The following TENT4B variants were observed in gnomAD, a reference collection of about 807,000 sequenced individuals.
The protein encoded by TENT4B is terminal nucleotidyltransferase 4B.
Under a neutral mutation model 75.0 loss-of-function variants are expected in TENT4B, and 10 were observed. The ratio of observed to expected loss-of-function variants is 0.13; its 90% CI spans 0.08 to 0.23. The LOEUF is 0.23. Ranked by LOEUF, TENT4B falls within the 10% of genes least tolerant of loss-of-function variation. TENT4B has a pLI of 1.00. For synonymous variants in TENT4B, 350 were observed against 357.7 expected (o/e 0.98, Z 0.24); for missense variants, 579 against 893.8 (o/e 0.65, Z 4.49).
At position 50,229,352 on chromosome 16, in the gene TENT4B, T is replaced by C. The variant is rs1203962369; in HGVS notation, c.*24T>C. On this transcript the variant is annotated 3_prime_UTR_variant, in exon 12 of 12. Transcript: ENST00000561678. ...AGTCAGCGCTGCGCGGTGGACTGTC[T>C]TCTCTGTGCAATGATCTCATGCTCA... 1.0e-5 allele frequency: 16 copies of C among 1,591,834 alleles called. No individual in the cohort carries two copies. The highest frequency in any genetic ancestry group is 1.4e-5 in the African/African-American group (1 of 73,798).
chr16:50,233,501 T>A lies in TENT4B; in HGVS notation c.*4173T>A, dbSNP rs372691392. The A allele has an allele frequency of 2.0e-5, 20 of 980,428 alleles. No homozygotes were observed. The East Asian group carries it at 9.1e-4, about 44-fold the overall frequency. The allele number at this position is 980,428 out of a possible 1,614,324, so 60.7% of individuals were successfully genotyped here. On this transcript the variant is annotated 3_prime_UTR_variant, in exon 12 of 12. Coordinates refer to ENST00000561678, the MANE Select transcript of TENT4B (RefSeq NM_001365324.3). ...TTGACTTCACACCCTTAGCGACTTTTCTTTTTTTTTTGGTCAAAGATAATG... is the reference window on the plus strand; with the variant it reads ...TTGACTTCACACCCTTAGCGACTTTACTTTTTTTTTTGGTCAAAGATAATG...
intron 1 of TENT4B, among the ~76,000 whole-genome samples, chr16:50,168,555 C>T (rs1405913396): frequency 2.0e-5 from 3 of 150,654 alleles, no homozygotes; most frequent in African/African-American, 4.9e-5. Context: ...CTCAGTTGAT[C>T]CACCCACCTT....
intron 3 of TENT4B, among the ~76,000 whole-genome samples, chr16:50,215,119 C>G (rs1200960770): frequency 6.6e-6 from 1 of 152,192 alleles, no homozygotes; most frequent in African/African-American, 2.4e-5. Context: ...GACGCACAGC[C>G]TTGGAGGCTC....
chr16:50,200,365 T>TA (rs565167649), intron 1 of TENT4B, among the ~76,000 whole-genome samples: 5,252 of 131,424 alleles, frequency 0.04, 116 homozygotes, highest in Middle Eastern at 0.05. Flanking sequence ...GACCCTGACT[T>TA]AAAAAAAAAA....
chr16:50,229,132 G>A lies in TENT4B; in HGVS notation c.1966-20G>A. 1 of 1,610,546 alleles carries A rather than the reference G, an allele frequency of 6.2e-7. No homozygotes were observed. Among genetic ancestry groups the A allele is most frequent in the Non-Finnish European group, 8.5e-7 (1 of 1,178,944 alleles). The stretch of plus-strand genomic sequence containing the variant: ...TTTCTGCAATACTGATGTCTTTGTG[G>A]TCGTTTTCTGTTTCTGCAGCATGGA... On this transcript the variant is annotated intron_variant, in intron 11 of 11. Coordinates refer to ENST00000561678, the MANE Select transcript of TENT4B (RefSeq NM_001365324.3).
At position 50,216,166 on chromosome 16, in the gene TENT4B, G is replaced by A. The variant is rs766558425; in HGVS notation, c.901G>A (p.Asp301Asn). Residue 301 changes from aspartate to asparagine, a missense_variant, in exon 4 of 12, where the codon GAT becomes AAT. Asp to Asn is a conservative substitution (Grantham distance 23). Coordinates refer to ENST00000561678, the MANE Select transcript of TENT4B (RefSeq NM_001365324.3). ...ALRKHKVADE[D>N]SVKVLDKATV... ...TCGGAAACACAAAGTCGCAGATGAG[G>A]ATTCGGTGAAAGTTTTAGACAAAGC... The A allele has an allele frequency of 3.1e-6, 5 of 1,613,868 alleles. No individual in the cohort carries two copies. Among genetic ancestry groups the A allele is most frequent in the Non-Finnish European group, 2.5e-6 (3 of 1,179,872 alleles).
At chr16:50,195,518 A>G (rs1596703680) in intron 1 of TENT4B, among the ~76,000 whole-genome samples, 1 of 152,196 alleles carries the variant, frequency 6.6e-6, no homozygotes, top group Non-Finnish European at 1.5e-5. Flanking sequence ...TTAGACCCCA[A>G]GCTACTTGGA....
At chr16:50,159,885 G>GT (rs1004076623) in intron 1 of TENT4B, among the ~76,000 whole-genome samples, 85 of 151,750 alleles carry the variant, frequency 5.6e-4, no homozygotes, top group African/African-American at 1.7e-3. Flanking sequence ...AACTTTCTTT[G>GT]TTTTTTTTGT....
chr16:50,178,387 T>C (rs2038349646), intron 1 of TENT4B, among the ~76,000 whole-genome samples: 1 of 151,906 alleles, frequency 6.6e-6, no homozygotes, highest in Non-Finnish European at 1.5e-5. Context: ...TGAGGCTACA[T>C]GAGCCATGAT....
chr16:50,155,211 T>A (rs959407602), intron 1 of TENT4B, among the ~76,000 whole-genome samples: 2 of 151,956 alleles, frequency 1.3e-5, no homozygotes, highest in African/African-American at 2.4e-5. Flanking sequence ...GAAGAGTCCC[T>A]GTGCTGGAAT....
intron 1 of TENT4B, among the ~76,000 whole-genome samples, chr16:50,210,755 ACT>A (rs2031235745): frequency 6.6e-6 from 1 of 151,516 alleles, no homozygotes; most frequent in African/African-American, 2.4e-5. Context: ...TGCTTCTCCC[ACT>A]CTGCCTGCCA....
In TENT4B at chr16:50,176,770, G is replaced by A. The variant is rs148764691; in HGVS notation, c.638+22511G>A. Reference sequence around the variant, plus strand: ...GATCCACCCGCCTTGGCCTCCCAAAGTGTTGGGATTACAGGAGTGAGCCAC... The same window carrying A: ...GATCCACCCGCCTTGGCCTCCCAAAATGTTGGGATTACAGGAGTGAGCCAC... On this transcript the variant is annotated intron_variant, in intron 1 of 11. Coordinates refer to ENST00000561678, the MANE Select transcript of TENT4B (RefSeq NM_001365324.3). Among the ~76,000 whole-genome samples the A allele has an allele frequency of 1.8e-3, 268 of 152,140 alleles. 1 individual carries two copies. Among genetic ancestry groups the A allele is most frequent in the African/African-American group, 5.7e-3 (236 of 41,518 alleles).
rs11319165 is a variant in TENT4B, at chr16:50,233,692, T to TA, written c.*4372dup. 8.9e-5 allele frequency: 88 copies of TA among 984,566 alleles called. No individual in the cohort carries two copies. The highest frequency in any genetic ancestry group is 5.6e-4 in the South Asian group (12 of 21,278). 61.0% of individuals were successfully genotyped at this position (984,566 alleles called of 1,614,324 possible). On this transcript the variant is annotated 3_prime_UTR_variant, in exon 12 of 12. Transcript: ENST00000561678. Reference sequence around the variant, plus strand: ...CTGTCTCTCAGGTTTTTGGTTTTTTTAAAAAAAATGTGTTTGGCCTTTACA... The same window carrying TA: ...CTGTCTCTCAGGTTTTTGGTTTTTTTAAAAAAAAATGTGTTTGGCCTTTACA...
intron 1 of TENT4B, among the ~76,000 whole-genome samples, chr16:50,162,610 T>C (rs2038023108): frequency 6.6e-6 from 1 of 152,192 alleles, no homozygotes; most frequent in African/African-American, 2.4e-5. Context: ...TTGAACTTTC[T>C]CAATGAAAAA....
At chr16:50,207,143 T>G (rs574211621) in intron 1 of TENT4B, among the ~76,000 whole-genome samples, 1 of 152,148 alleles carries the variant, frequency 6.6e-6, no homozygotes, top group South Asian at 2.1e-4. Flanking sequence ...ATGACTTTTC[T>G]TTTGTGAACA....
intron 1 of TENT4B, among the ~76,000 whole-genome samples, chr16:50,157,910 C>T (rs939724487): frequency 2.0e-5 from 3 of 152,054 alleles, no homozygotes; most frequent in African/African-American, 4.8e-5. Flanking sequence ...GGACTACAGG[C>T]GAGTGCCACC....
intron 1 of TENT4B, among the ~76,000 whole-genome samples, chr16:50,176,494 C>CTTTT (rs34067223): frequency 2.1e-4 from 11 of 53,088 alleles, no homozygotes; most frequent in East Asian, 7.4e-4. Flanking sequence ...ACCAATAATT[C>CTTTT]TTTTTTTTTT....
At chr16:50,211,033 A>G (rs1282796249) in intron 1 of TENT4B, among the ~76,000 whole-genome samples, 1 of 152,212 alleles carries the variant, frequency 6.6e-6, no homozygotes, top group Non-Finnish European at 1.5e-5. Flanking sequence ...TCTTGTGTCT[A>G]TTAGATCAGA....
chr16:50,234,579 A>T lies in TENT4B; in HGVS notation c.*5251A>T. On this transcript the variant is annotated 3_prime_UTR_variant, in exon 12 of 12. Transcript: ENST00000561678. ...ATATGTTGTTTTGTCCCTGAACTTAATCTCCTAATTTTAAGATCCTCTCTG... is the reference window on the plus strand; with the variant it reads ...ATATGTTGTTTTGTCCCTGAACTTATTCTCCTAATTTTAAGATCCTCTCTG... 1.0e-6 allele frequency: 1 copy of T among 983,114 alleles called. No individual in the cohort carries two copies. The highest frequency in any genetic ancestry group is 1.2e-6 in the Non-Finnish European group (1 of 827,868). The allele number at this position is 983,114 out of a possible 1,614,324, so 60.9% of individuals were successfully genotyped here.
Sources: gnomAD v4.1 joint callset for allele counts (sites outside exome capture counted in the v4.1 genomes callset) on GRCh38, gnomAD v4.1.1 for gene constraint, MANE v1.5 for transcripts, NCBI Gene and HGNC (gene_info 2026-07-23, HGNC 2026-07-21) for gene names.